Variants in EPHB1 observed in about 807,000 individuals in gnomAD.
EPHB1 encodes the protein ephrin type-B receptor 1.
A neutral mutation model predicts 94.4 loss-of-function variants in EPHB1; 30 were observed. The ratio of observed to expected loss-of-function variants is 0.32; its 90% CI spans 0.24 to 0.43. The LOEUF (loss-of-function observed/expected upper bound fraction) is 0.43. Ranked by LOEUF, EPHB1 falls within the 20% of genes least tolerant of loss-of-function variation. The pLI is 1.00. For missense variants in EPHB1, 1,055 were observed against 1,308.3 expected, an observed-to-expected ratio of 0.81 and a Z score of 2.99; for synonymous variants, 522 against 489.1, an observed-to-expected ratio of 1.07 and a Z score of -0.89.
chr3:134,913,336 C>A (rs978630715), intron 1 of EPHB1, among the ~76,000 whole-genome samples: 2 of 152,120 alleles, frequency 1.3e-5, no homozygotes, highest in African/African-American at 4.8e-5. Context: ...GCAGGCCCAG[C>A]GCTGAACTTT....
intron 2 of EPHB1, among the ~76,000 whole-genome samples, chr3:134,939,322 T>C (rs895368481): frequency 1.0e-4 from 13 of 124,646 alleles, no homozygotes; most frequent in African/African-American, 4.8e-4. Flanking sequence ...TCTCCAACCC[T>C]GAGTCGGTCA....
intron 1 of EPHB1, among the ~76,000 whole-genome samples, chr3:134,902,755 GT>G (rs2038229044): frequency 6.6e-6 from 1 of 152,172 alleles, no homozygotes; most frequent in African/African-American, 2.4e-5. Context: ...AGCTCTTCGT[GT>G]GGCTGATGAA....
chr3:134,830,740 G>A (rs2036566868), intron 1 of EPHB1, among the ~76,000 whole-genome samples: 1 of 152,168 alleles, frequency 6.6e-6, no homozygotes, highest in African/African-American at 2.4e-5. Flanking sequence ...TTCCCTTCTG[G>A]CCTGACCTCT....
chr3:135,092,019 G>A (rs1289416495), intron 3 of EPHB1, among the ~76,000 whole-genome samples: 1 of 152,158 alleles, frequency 6.6e-6, no homozygotes, highest in Non-Finnish European at 1.5e-5. Flanking sequence ...GTCTGTGTCA[G>A]GGAGGAAAGT....
chr3:134,841,136 G>A (rs908719789), intron 1 of EPHB1, among the ~76,000 whole-genome samples: 1 of 152,174 alleles, frequency 6.6e-6, no homozygotes, highest in African/African-American at 2.4e-5. Flanking sequence ...AGTGGGCACT[G>A]AGTGATGCTG....
intron 15 of EPHB1, among the ~76,000 whole-genome samples, chr3:135,254,528 G>T (rs36142997): frequency 6.6e-6 from 1 of 150,704 alleles, no homozygotes; most frequent in African/African-American, 2.4e-5. Context: ...ATTGATTTGC[G>T]TATATTGAAC....
In EPHB1 at chr3:134,934,265, C is replaced by T. The variant is rs76471586; in HGVS notation, c.123+8385C>T. Among the ~76,000 whole-genome samples the T allele has an allele frequency of 5.9e-3, 893 of 152,252 alleles. 3 individuals are homozygous for T. Among genetic ancestry groups the T allele is most frequent in the African/African-American group, 0.02 (829 of 41,538 alleles). On this transcript the variant is annotated intron_variant, in intron 2 of 15. Coordinates refer to ENST00000398015, the MANE Select transcript of EPHB1 (RefSeq NM_004441.5). ...CACTTAAAACATTTTTTATATAATA[C>T]GCGTCTTTTAGGAATGGAAGTTTAA...
intron 3 of EPHB1, among the ~76,000 whole-genome samples, chr3:135,087,336 G>C (rs187898839): frequency 6.0e-4 from 91 of 152,278 alleles, no homozygotes; most frequent in Middle Eastern, 3.4e-3. Context: ...AGAATGAGAA[G>C]GAAGCTGTGT....
At chr3:135,131,419 C>T (rs1167303061) in intron 4 of EPHB1, among the ~76,000 whole-genome samples, 1 of 152,198 alleles carries the variant, frequency 6.6e-6, no homozygotes, top group African/African-American at 2.4e-5. Context: ...AACCACTTTA[C>T]ACATGTCTTC....
intron 2 of EPHB1, among the ~76,000 whole-genome samples, chr3:134,933,193 T>C (rs1281571603): frequency 6.6e-6 from 1 of 152,178 alleles, no homozygotes; most frequent in Non-Finnish European, 1.5e-5. Flanking sequence ...TTCTCCTCTC[T>C]CTACTCCCAC....
chr3:135,108,492 C>A (rs1193565620), intron 4 of EPHB1, among the ~76,000 whole-genome samples: 1 of 152,138 alleles, frequency 6.6e-6, no homozygotes, highest in Non-Finnish European at 1.5e-5. Flanking sequence ...GACCCAGGGA[C>A]CCCTCCACCC....
At chr3:135,245,218 A>G (rs1168091829) in intron 13 of EPHB1, among the ~76,000 whole-genome samples, 1 of 152,236 alleles carries the variant, frequency 6.6e-6, no homozygotes, top group Non-Finnish European at 1.5e-5. Flanking sequence ...GCTGTGCTCA[A>G]CACGCATCAC....
At chr3:135,167,565 A>G (rs1276750416) in intron 9 of EPHB1, among the ~76,000 whole-genome samples, 3 of 152,190 alleles carry the variant, frequency 2.0e-5, no homozygotes, top group Non-Finnish European at 4.4e-5. Context: ...TATTTATAAT[A>G]TTTTTATAAC....
At chr3:135,031,140 A>G (rs1199611504) in intron 3 of EPHB1, among the ~76,000 whole-genome samples, 1 of 152,102 alleles carries the variant, frequency 6.6e-6, no homozygotes, top group Non-Finnish European at 1.5e-5. Context: ...CCCTAGTGAG[A>G]TGAACCCCGT....
At chr3:134,806,608 T>A (rs1017699887) in intron 1 of EPHB1, among the ~76,000 whole-genome samples, 1 of 152,158 alleles carries the variant, frequency 6.6e-6, no homozygotes, top group Non-Finnish European at 1.5e-5. Context: ...GAACAATTAA[T>A]AACTGAAAAT....
At chr3:135,187,853 T>A (rs1942366077) in intron 10 of EPHB1, among the ~76,000 whole-genome samples, 1 of 152,118 alleles carries the variant, frequency 6.6e-6, no homozygotes, top group East Asian at 1.9e-4. Flanking sequence ...TCTCTTCCAG[T>A]GAGACTCCCC....
At chr3:135,256,218 G>A (rs985127045) in intron 15 of EPHB1, among the ~76,000 whole-genome samples, 120 of 152,132 alleles carry the variant, frequency 7.9e-4, no homozygotes, top group Admixed American at 3.5e-3. Flanking sequence ...GTCCATTTAC[G>A]TTTAAAGTTA....
intron 3 of EPHB1, among the ~76,000 whole-genome samples, chr3:135,030,944 C>T (rs13080304): frequency 0.33 from 49,670 of 152,094 alleles, 9,291 homozygotes; most frequent in Non-Finnish European, 0.41. Flanking sequence ...TTTTTAAGCC[C>T]GTCGGAAAAG....
At chr3:134,859,196 A>G (rs2037190050) in intron 1 of EPHB1, among the ~76,000 whole-genome samples, 1 of 152,220 alleles carries the variant, frequency 6.6e-6, no homozygotes, top group South Asian at 2.1e-4. Context: ...ACACAGAGAC[A>G]TGCAGTATGA....
Sources: allele counts gnomAD v4.1 joint callset (sites outside exome capture counted in the v4.1 genomes callset), GRCh38; gene constraint gnomAD v4.1.1; transcripts MANE v1.5; gene names NCBI Gene and HGNC (gene_info 2026-07-23, HGNC 2026-07-21).